CCSER1: variants seen among roughly 807,000 people sequenced by gnomAD.
The protein encoded by CCSER1 is coiled-coil serine rich protein 1, also known as serine-rich coiled-coil domain-containing protein 1.
In CCSER1, 41 loss-of-function variants were observed where a neutral mutation model predicts 82.0. The observed-to-expected ratio is 0.50, with a 90% CI of 0.39 to 0.65. The LOEUF (loss-of-function observed/expected upper bound fraction) is 0.65, where lower values mean the gene tolerates loss of function less well. CCSER1 is among the 30% of genes least tolerant of loss of function. The pLI is 0.00. For synonymous variants in CCSER1, 414 were observed against 383.9 expected (o/e 1.08, Z -0.92); for missense variants, 1,119 against 1,064.2 (o/e 1.05, Z -0.72).
chr4:91,480,159 T>A (rs1202113168), intron 10 of CCSER1, among the ~76,000 whole-genome samples: 1 of 151,776 alleles, frequency 6.6e-6, no homozygotes, highest in Non-Finnish European at 1.5e-5. Flanking sequence ...ACATTTGGGT[T>A]GGTTCCAAGT....
At chr4:90,707,452 C>A (rs1739581432) in intron 6 of CCSER1, among the ~76,000 whole-genome samples, 1 of 151,642 alleles carries the variant, frequency 6.6e-6, no homozygotes, top group Non-Finnish European at 1.5e-5. Flanking sequence ...CCAGACAACA[C>A]CTTGGAAATC....
intron 10 of CCSER1, among the ~76,000 whole-genome samples, chr4:91,590,845 C>T (rs1212430371): frequency 6.6e-5 from 10 of 152,038 alleles, no homozygotes. Flanking sequence ...AACTAAGTAA[C>T]ATAAAAATTA....
At chr4:91,291,764 C>T (rs1033913985) in intron 10 of CCSER1, among the ~76,000 whole-genome samples, 1 of 151,854 alleles carries the variant, frequency 6.6e-6, no homozygotes, top group Non-Finnish European at 1.5e-5. Flanking sequence ...TGGGATTTGG[C>T]GGGGACACAG....
At chr4:91,198,176 A>C (rs891008677) in intron 10 of CCSER1, among the ~76,000 whole-genome samples, 4 of 152,102 alleles carry the variant, frequency 2.6e-5, no homozygotes, top group African/African-American at 9.7e-5. Context: ...TTCATTTTGC[A>C]TTACTTTCCT....
chr4:91,387,800 C>G (rs1466872501), intron 10 of CCSER1, among the ~76,000 whole-genome samples: 1 of 151,998 alleles, frequency 6.6e-6, no homozygotes, highest in East Asian at 1.9e-4. Flanking sequence ...GTGATTGCAT[C>G]TGGATGGGAA....
intron 1 of CCSER1, among the ~76,000 whole-genome samples, chr4:90,287,047 T>G (rs115643191): frequency 0.011 from 1,631 of 152,034 alleles, 14 homozygotes; most frequent in African/African-American, 0.023. Flanking sequence ...AATGGTACCC[T>G]GGTGGTATGA....
chr4:90,963,718 C>T lies in CCSER1; in HGVS notation c.2172+40271C>T, dbSNP rs184491710. 3.5e-3 allele frequency among the ~76,000 whole-genome samples: 537 copies of T among 152,260 alleles called. 6 individuals carry two copies. The highest frequency in any genetic ancestry group is 0.012 in the African/African-American group (511 of 41,548). On this transcript the variant is annotated intron_variant, in intron 9 of 10. Coordinates refer to ENST00000509176, the MANE Select transcript of CCSER1 (RefSeq NM_001145065.2). ...GACACCTTGATTTTAGAATCCCAGC[C>T]TCCATAATTGTGTGAAAATAAATTT...
At chr4:90,436,489 C>T (rs1479966058) in intron 4 of CCSER1, among the ~76,000 whole-genome samples, 6 of 152,076 alleles carry the variant, frequency 3.9e-5, no homozygotes, top group African/African-American at 1.2e-4. Context: ...TTTCAAACCT[C>T]AAAGCAGAGC....
intron 10 of CCSER1, among the ~76,000 whole-genome samples, chr4:91,574,693 A>G (rs1190256367): frequency 6.6e-6 from 1 of 152,066 alleles, no homozygotes; most frequent in African/African-American, 2.4e-5. Context: ...GCTAAACATC[A>G]TGGGCATAAA....
At chr4:90,727,403 A>G in intron 7 of CCSER1, 2 of 397,110 alleles carry the variant, frequency 5.0e-6, no homozygotes, top group Non-Finnish European at 9.9e-6. Context: ...TTAGCCATTA[A>G]GTTTTTTATA....
intron 10 of CCSER1, among the ~76,000 whole-genome samples, chr4:91,131,616 A>G (rs1176171604): frequency 6.6e-6 from 1 of 152,098 alleles, no homozygotes; most frequent in Non-Finnish European, 1.5e-5. Context: ...ATACATATTT[A>G]TATATATTAA....
rs1234289139 is a variant in CCSER1, at chr4:90,493,724, T to C, written c.1724+25370T>C. Among the ~76,000 whole-genome samples the C allele has an allele frequency of 7.9e-5, 12 of 152,232 alleles. No homozygotes were observed. In the East Asian group the frequency reaches 1.9e-3, roughly 24 times the overall value. On this transcript the variant is annotated intron_variant, in intron 5 of 10. Transcript: ENST00000509176. The stretch of plus-strand genomic sequence containing the variant: ...ACAGACAAGCAAATGCTGAGAGATT[T>C]TGTCACCACCGCTCCTGCCCTAAAA...
intron 4 of CCSER1, chr4:90,403,821 G>A (rs1753301193): frequency 6.6e-6 from 1 of 152,148 alleles, no homozygotes; most frequent in South Asian, 2.1e-4. Flanking sequence ...GACCACAGAA[G>A]ACAAGATTAA....
intron 10 of CCSER1, among the ~76,000 whole-genome samples, chr4:91,273,979 A>G (rs1465867132): frequency 6.6e-6 from 1 of 152,210 alleles, no homozygotes; most frequent in Non-Finnish European, 1.5e-5. Flanking sequence ...CAACACAAGT[A>G]TCACTTGGAA....
intron 5 of CCSER1, among the ~76,000 whole-genome samples, chr4:90,475,289 A>G (rs982492818): frequency 3.3e-5 from 5 of 152,218 alleles, no homozygotes; most frequent in African/African-American, 1.2e-4. Flanking sequence ...GGATAATACT[A>G]TGATTAGGAA....
In CCSER1 at chr4:90,782,681, C is replaced by CTTTTTTTTTTTTT. The variant is rs200701722; in HGVS notation, c.2011-33078_2011-33077insTTTTTTTTTTTTT. Among the ~76,000 whole-genome samples the CTTTTTTTTTTTTT allele has an allele frequency of 6.1e-4, 75 of 123,946 alleles. 3 individuals are homozygous for CTTTTTTTTTTTTT. The highest frequency in any genetic ancestry group is 7.6e-4 in the Non-Finnish European group (44 of 57,946). 81.3% of individuals were successfully genotyped at this position (123,946 alleles called of 152,430 possible). A position where few individuals can be genotyped will look rare whatever the true frequency, so the allele number is the denominator to read the frequency against. ...GGACAGGGATTTCTTTCTTTTCTTT[C>CTTTTTTTTTTTTT]TTTCTTTTTTTTTTTTTTTTGAGAC... On this transcript the variant is annotated intron_variant, in intron 7 of 10. Transcript: ENST00000509176.
intron 1 of CCSER1, among the ~76,000 whole-genome samples, chr4:90,295,032 G>T (rs1368196895): frequency 6.6e-6 from 1 of 151,592 alleles, no homozygotes; most frequent in Non-Finnish European, 1.5e-5. Context: ...TCATATCTTT[G>T]ACCTTATATG....
chr4:91,088,835 G>A (rs1314521671), intron 10 of CCSER1, among the ~76,000 whole-genome samples: 1 of 152,110 alleles, frequency 6.6e-6, no homozygotes, highest in Non-Finnish European at 1.5e-5. Flanking sequence ...AATTCACTGG[G>A]TAAGACACAT....
rs544496665 is a variant in CCSER1 at position 90,734,584 on chromosome 4, T to C, written c.2010+10593T>C. Among the ~76,000 whole-genome samples the C allele has an allele frequency of 2.6e-5, 4 of 152,310 alleles. No homozygotes were observed. In the South Asian group the frequency reaches 6.2e-4, roughly 24 times the overall value. ...TTGTTTATAGCTATTGTAAATTGGA[T>C]TACTTTCTTGATATTGCAATTTTCA... On this transcript the variant is annotated intron_variant, in intron 7 of 10. Transcript: ENST00000509176.
Sources: allele counts gnomAD v4.1 joint callset (sites outside exome capture counted in the v4.1 genomes callset), GRCh38; gene constraint gnomAD v4.1.1; transcripts MANE v1.5; gene names NCBI Gene and HGNC (gene_info 2026-07-23, HGNC 2026-07-21).